Variants in SPANXN4 observed in about 807,000 individuals in gnomAD.
SPANXN4 encodes sperm protein associated with the nucleus on the X chromosome N4.
Under a neutral mutation model 6.0 loss-of-function variants are expected in SPANXN4, and 5 were observed. The observed-to-expected ratio is 0.83, with a 90% confidence interval of 0.44 to 1.75. The LOEUF is 1.75. Among genes scored for constraint, SPANXN4 ranks in the 40% most tolerant of loss-of-function variants. The pLI, the probability that SPANXN4 is intolerant of heterozygous loss-of-function variation, is 0.02. For synonymous variants in SPANXN4, 45 were observed against 38.0 expected (o/e 1.19, Z -0.68); for missense variants, 157 against 108.6 (o/e 1.45, Z -1.98).
rs564263943 is a variant in SPANXN4 at position 143,027,217 on chromosome X, C to T, written c.78+1125C>T. Among the ~76,000 whole-genome samples, 4 of 112,088 alleles carry T rather than the reference C, an allele frequency of 3.6e-5. No homozygotes were observed. In the South Asian group the frequency reaches 1.5e-3, roughly 42 times the overall value. On this transcript the variant is annotated intron_variant, in intron 1 of 2. Transcript: ENST00000370504. ...CTTTTCCAAGTTGAATAGCTGCCAGCAAGGGTAGGCCCTGTGAGGGCATGA... is the reference window on the plus strand; with the variant it reads ...CTTTTCCAAGTTGAATAGCTGCCAGTAAGGGTAGGCCCTGTGAGGGCATGA...
At chrX:143,026,569 A>G (rs1005079201) in intron 1 of SPANXN4, among the ~76,000 whole-genome samples, 3 of 111,800 alleles carry the variant, frequency 2.7e-5, no homozygotes, top group African/African-American at 9.8e-5. Flanking sequence ...CTTCTACTTT[A>G]TCATAAAAGG....
intron 1 of SPANXN4, among the ~76,000 whole-genome samples, chrX:143,028,402 A>G (rs1932789872): frequency 9.0e-6 from 1 of 111,122 alleles, no homozygotes; most frequent in African/African-American, 3.3e-5. Flanking sequence ...GACCAGTAAG[A>G]GAAGTGAAGC....
intron 1 of SPANXN4, among the ~76,000 whole-genome samples, chrX:143,026,376 C>A (rs1602654930): frequency 1.8e-5 from 2 of 111,258 alleles, no homozygotes; most frequent in East Asian, 2.9e-4. Context: ...TTGCTTGGAC[C>A]TTTTTCCCCA....
chrX:143,033,834 AAC>A (rs1213542971), intron 1 of SPANXN4, among the ~76,000 whole-genome samples, 189 bp from the exon 2 acceptor site: 1 of 111,263 alleles, frequency 9.0e-6, no homozygotes, highest in East Asian at 2.9e-4. Flanking sequence ...AGTTTGGAGT[AAC>A]ACAGATGACC....
chrX:143,034,192 G>T (rs1173563702), exon 2 of SPANXN4: 1 of 1,180,136 alleles, frequency 8.5e-7, no homozygotes, highest in South Asian at 1.9e-5. Context: ...CAATCAAAGA[G>T]AAAGGAGACC....
At position 143,026,737 on chromosome X, in the gene SPANXN4, G is replaced by T. The variant is rs147797121; in HGVS notation, c.78+645G>T. Among the ~76,000 whole-genome samples the T allele has an allele frequency of 7.1e-3, 792 of 110,889 alleles. 12 individuals carry two copies. The highest frequency in any genetic ancestry group is 0.025 in the African/African-American group (765 of 30,478). On this transcript the variant is annotated intron_variant, in intron 1 of 2. Transcript: ENST00000370504. Reference sequence around the variant, plus strand: ...CGGAGAAGGATGGTATCAATGTGTTGCTGGGTGGCTGCCTGGACAGGGGAG... The same window carrying T: ...CGGAGAAGGATGGTATCAATGTGTTTCTGGGTGGCTGCCTGGACAGGGGAG...
chrX:143,032,409 G>A (rs1280771830), intron 1 of SPANXN4, among the ~76,000 whole-genome samples: 6 of 109,923 alleles, frequency 5.5e-5, no homozygotes, highest in African/African-American at 1.0e-4. Context: ...GATGGAGGGC[G>A]ACAGTAAAGG....
downstream of SPANXN4, among the ~76,000 whole-genome samples, chrX:143,035,743 A>G (rs969095172): frequency 1.8e-5 from 2 of 110,440 alleles, no homozygotes; most frequent in Non-Finnish European, 3.8e-5. Flanking sequence ...TTACAATGGT[A>G]AAAATGATTA....
chrX:143,034,710 G>A, downstream of SPANXN4: 1 of 1,122,652 alleles, frequency 8.9e-7, no homozygotes, highest in Non-Finnish European at 1.2e-6. Context: ...TCCTCAAAAG[G>A]AACAAGAACC....
downstream of SPANXN4, chrX:143,034,837 A>C: frequency 1.2e-6 from 1 of 849,787 alleles, no homozygotes; most frequent in Admixed American, 4.6e-5. Flanking sequence ...GTCACCTACC[A>C]AGTGTGGGGC....
chrX:143,029,423 G>C (rs904561812), intron 1 of SPANXN4, among the ~76,000 whole-genome samples: 1 of 111,602 alleles, frequency 9.0e-6, no homozygotes, highest in Non-Finnish European at 1.9e-5. Context: ...CTGTTGAAAG[G>C]TAGTATGGAG....
At chrX:143,036,516 T>C (rs1409937862), downstream of SPANXN4, among the ~76,000 whole-genome samples, 6 of 112,137 alleles carry the variant, frequency 5.4e-5, no homozygotes, top group Non-Finnish European at 1.1e-4. Context: ...CCAAGCACCA[T>C]TTGTTGAAAA....
chrX:143,035,732 G>T (rs940860386), downstream of SPANXN4, among the ~76,000 whole-genome samples: 1 of 109,972 alleles, frequency 9.1e-6, no homozygotes, highest in African/African-American at 3.3e-5. Context: ...AAGTAAAATG[G>T]TTACAATGGT....
intron 1 of SPANXN4, among the ~76,000 whole-genome samples, chrX:143,030,980 A>G (rs191164184): frequency 9.0e-6 from 1 of 111,677 alleles, no homozygotes; most frequent in African/African-American, 3.3e-5. Context: ...GTGTGTGGCT[A>G]TTGTGGGTTT....
At chrX:143,033,570 T>G (rs894044922) in intron 1 of SPANXN4, among the ~76,000 whole-genome samples, 1 of 111,370 alleles carries the variant, frequency 9.0e-6, no homozygotes, top group African/African-American at 3.3e-5. Flanking sequence ...CTGGGCAGTA[T>G]GGGATGCTGC....
At chrX:143,034,566 TAAG>T (rs915315087) in exon 3 of SPANXN4, 26 of 1,162,194 alleles carry the variant, frequency 2.2e-5, no homozygotes, top group Non-Finnish European at 2.6e-5. Flanking sequence ...GAAGAGCACA[TAAG>T]AAGATCTGTA....
chrX:143,029,500 C>T (rs956258822), intron 1 of SPANXN4, among the ~76,000 whole-genome samples: 1 of 111,164 alleles, frequency 9.0e-6, no homozygotes, highest in Non-Finnish European at 1.9e-5. Context: ...CTGGACATGG[C>T]TCCCTTAAAG....
At chrX:143,036,614 C>A (rs1932845037), downstream of SPANXN4, among the ~76,000 whole-genome samples, 2 of 111,992 alleles carry the variant, frequency 1.8e-5, no homozygotes, top group South Asian at 7.4e-4. Flanking sequence ...AAATTTTATT[C>A]TATCAATTAG....
chrX:143,034,604 C>T (rs1238477509), exon 3 of SPANXN4: 3 of 1,163,862 alleles, frequency 2.6e-6, no homozygotes, highest in Non-Finnish European at 2.3e-6. Flanking sequence ...CAGTGACACT[C>T]TTTCCAAAAT....
Sources: allele counts gnomAD v4.1 joint callset (sites outside exome capture counted in the v4.1 genomes callset), GRCh38; gene constraint gnomAD v4.1.1; transcripts MANE v1.5; gene names NCBI Gene and HGNC (gene_info 2026-07-23, HGNC 2026-07-21).